CYP4X1: variants seen among roughly 807,000 people sequenced by gnomAD.
The protein encoded by CYP4X1 is cytochrome P450 family 4 subfamily X member 1, also known as cytochrome P450 4X1.
Under a neutral mutation model 57.9 loss-of-function variants are expected in CYP4X1, and 44 were observed. That is an observed-to-expected ratio of 0.76 (90% CI 0.60 to 0.98). The LOEUF (loss-of-function observed/expected upper bound fraction) is 0.98, where lower values mean the gene tolerates loss of function less well. Ranked by LOEUF, CYP4X1 falls within the 50% of genes least tolerant of loss-of-function variation. The pLI is 0.00. For synonymous variants in CYP4X1, 227 were observed against 228.6 expected (o/e 0.99, Z 0.06); for missense variants, 532 against 623.9 (o/e 0.85, Z 1.57).
chr1:47,017,654 T>C, the CYP4X1 span, among the ~76,000 whole-genome samples: 1 of 152,216 alleles, frequency 6.6e-6, no homozygotes, highest in African/African-American at 2.4e-5. Flanking sequence ...GTCGTCCCTC[T>C]GCTCAGTGAG....
chr1:46,961,605 A>G, the CYP4X1 span: 11 of 1,283,522 alleles, frequency 8.6e-6, no homozygotes, highest in Admixed American at 2.1e-4. Context: ...GGAGGCCTGG[A>G]CCTGTGTCCT....
At chr1:46,963,202 T>C in the CYP4X1 span, among the ~76,000 whole-genome samples, 1 of 152,216 alleles carries the variant, frequency 6.6e-6, no homozygotes, top group African/African-American at 2.4e-5. Context: ...CTTGACTCTT[T>C]ATCCAATTTG....
chr1:47,004,171 A>C, the CYP4X1 span, among the ~76,000 whole-genome samples: 1 of 152,238 alleles, frequency 6.6e-6, no homozygotes, highest in Non-Finnish European at 1.5e-5. Context: ...AAACCCCAGA[A>C]AATTCTGTAA....
At chr1:47,033,393 G>A (rs752218980) in intron 4 of CYP4X1, 25 bp downstream of exon 4, 83 of 1,612,634 alleles carry the variant, frequency 5.1e-5, no homozygotes, top group Non-Finnish European at 6.8e-5. Context: ...AAAGTGCTCT[G>A]TGCATTGCGA....
upstream of CYP4X1, among the ~76,000 whole-genome samples, chr1:47,022,283 C>CTTT (rs11352280): frequency 1.0e-4 from 8 of 77,310 alleles, no homozygotes; most frequent in Non-Finnish European, 1.4e-4. Context: ...TGGGGCCTGT[C>CTTT]TTTTTTTTTT....
At chr1:46,988,950 C>T in the CYP4X1 span, among the ~76,000 whole-genome samples, 3 of 152,152 alleles carry the variant, frequency 2.0e-5, no homozygotes, top group East Asian at 1.9e-4. Context: ...TCATACTAAA[C>T]GGGCAAAAGC....
intron 4 of CYP4X1, among the ~76,000 whole-genome samples, chr1:47,035,562 T>C (rs1283428786): frequency 6.6e-6 from 1 of 152,222 alleles, no homozygotes; most frequent in Non-Finnish European, 1.5e-5. Flanking sequence ...GCCGCAGATC[T>C]TTAACTCAGC....
At chr1:47,016,372 T>G in the CYP4X1 span, among the ~76,000 whole-genome samples, 1 of 151,868 alleles carries the variant, frequency 6.6e-6, no homozygotes, top group Non-Finnish European at 1.5e-5. Context: ...GATGGAGTCT[T>G]GCTCTGTTGC....
chr1:47,048,829 G>A (rs932590650), intron 10 of CYP4X1, among the ~76,000 whole-genome samples, 200 bp downstream of exon 10: 95 of 152,194 alleles, frequency 6.2e-4, no homozygotes, highest in Admixed American at 6.2e-3. Context: ...TTTCTTTCAT[G>A]TAAGCCACTA....
At chr1:47,035,398 TG>T (rs1321437444) in intron 4 of CYP4X1, among the ~76,000 whole-genome samples, 1 of 152,072 alleles carries the variant, frequency 6.6e-6, no homozygotes, top group African/African-American at 2.4e-5. Context: ...GTGGCTATGG[TG>T]GTTGAGAGCA....
chr1:46,962,863 C>G, the CYP4X1 span, among the ~76,000 whole-genome samples: 191 of 152,246 alleles, frequency 1.3e-3, 1 homozygote, highest in African/African-American at 4.5e-3. Context: ...GTTAAAGTCT[C>G]CCATTATTAT....
At chr1:47,008,493 G>T in the CYP4X1 span, among the ~76,000 whole-genome samples, 1 of 152,158 alleles carries the variant, frequency 6.6e-6, no homozygotes, top group Admixed American at 6.5e-5. Flanking sequence ...AGACCATCAA[G>T]GGCAGGAAAA....
chr1:46,970,391 C>T, the CYP4X1 span, among the ~76,000 whole-genome samples: 2 of 152,110 alleles, frequency 1.3e-5, no homozygotes, highest in African/African-American at 2.4e-5. Flanking sequence ...TACACAAGGT[C>T]GTTTTCTTAC....
chr1:47,022,540 C>G (rs1644009758), upstream of CYP4X1, among the ~76,000 whole-genome samples: 1 of 151,970 alleles, frequency 6.6e-6, no homozygotes, highest in Non-Finnish European at 1.5e-5. Flanking sequence ...CCGCCCGCCT[C>G]GGCCTCCCAA....
chr1:47,032,993 G>C (rs1459409523), intron 3 of CYP4X1, among the ~76,000 whole-genome samples: 1 of 152,098 alleles, frequency 6.6e-6, no homozygotes, highest in Non-Finnish European at 1.5e-5. Context: ...AATCTTATAA[G>C]GCTTTGAAAT....
chr1:46,966,469 T>C, the CYP4X1 span, among the ~76,000 whole-genome samples: 15 of 152,102 alleles, frequency 9.9e-5, no homozygotes, highest in Non-Finnish European at 2.1e-4. Context: ...AAGTGTGGTT[T>C]CCTGGGTGGG....
At chr1:47,016,416 C>T in the CYP4X1 span, among the ~76,000 whole-genome samples, 2 of 151,630 alleles carry the variant, frequency 1.3e-5, no homozygotes, top group Admixed American at 6.6e-5. Context: ...ATCTTGGCTC[C>T]CCACAAGCTC....
chr1:47,039,743 G>T, intron 8 of CYP4X1: 1 of 375,578 alleles, frequency 2.7e-6, no homozygotes. Flanking sequence ...TCCATAAATT[G>T]TCTGTCATTG....
At chr1:46,999,308 T>C in the CYP4X1 span, among the ~76,000 whole-genome samples, 1 of 152,234 alleles carries the variant, frequency 6.6e-6, no homozygotes, top group Non-Finnish European at 1.5e-5. Context: ...TGGGATTTTG[T>C]GTTTCCAGGA....
Sources: gnomAD v4.1 joint callset for allele counts (sites outside exome capture counted in the v4.1 genomes callset) on GRCh38, gnomAD v4.1.1 for gene constraint, MANE v1.5 for transcripts, NCBI Gene and HGNC (gene_info 2026-07-23, HGNC 2026-07-21) for gene names.